TSC1: variants seen among roughly 807,000 people sequenced by gnomAD.
The protein encoded by TSC1 is TSC complex subunit 1, also known as hamartin.
In TSC1, 20 loss-of-function variants were observed where a neutral mutation model predicts 124.3. That is an observed-to-expected ratio of 0.16 (90% CI 0.11 to 0.23). TSC1 has a LOEUF of 0.23. Among genes scored for constraint, TSC1 ranks in the 10% least tolerant of loss-of-function variants. TSC1 has a pLI of 1.00. For missense variants in TSC1, 1,124 were observed against 1,448.5 expected (o/e 0.78, Z 3.64); for synonymous variants, 493 against 539.1 (o/e 0.91, Z 1.19).
chr9:132,935,575 G>A (rs2132398686), intron 1 of TSC1, among the ~76,000 whole-genome samples: 1 of 152,322 alleles, frequency 6.6e-6, no homozygotes, highest in South Asian at 2.1e-4. Context: ...GCACAGCACG[G>A]GGCACACCGA....
At chr9:132,907,797 T>C (rs1230242352) in intron 12 of TSC1, among the ~76,000 whole-genome samples, 1 of 151,706 alleles carries the variant, frequency 6.6e-6, no homozygotes, top group East Asian at 2.0e-4. Context: ...TCTTAAAAAA[T>C]GGCTGCAGAC....
chr9:132,939,831 C>G (rs1014549654), intron 1 of TSC1, among the ~76,000 whole-genome samples: 3 of 152,086 alleles, frequency 2.0e-5, no homozygotes, highest in African/African-American at 7.2e-5. Context: ...CCTGGCACCA[C>G]GAGCAGGAGC....
intron 19 of TSC1, 33 bp from the exon 20 acceptor site, chr9:132,900,870 C>T (rs756970929): frequency 1.1e-5 from 17 of 1,613,262 alleles, no homozygotes; most frequent in Admixed American, 1.7e-5. Context: ...GTGAAAAATC[C>T]GACGACATAA....
chr9:132,927,323 A>T lies in TSC1; in HGVS notation c.107-19T>A, dbSNP rs1284557941. 6.2e-7 allele frequency: 1 copy of T among 1,607,638 alleles called. No individual in the cohort carries two copies. The highest frequency in any genetic ancestry group is 1.3e-5 in the African/African-American group (1 of 74,824). On this transcript the variant is annotated intron_variant, in intron 3 of 22. Coordinates refer to ENST00000298552, the MANE Select transcript of TSC1 (RefSeq NM_000368.5). ...CCACGGTCTAAATCAAGAAAAGGGC[A>T]ATGGATGATACTTATTCCCCTTAAC...
intron 1 of TSC1, chr9:132,940,997 A>T (rs1847709564): frequency 6.6e-6 from 1 of 152,190 alleles, no homozygotes; most frequent in Non-Finnish European, 1.5e-5. Context: ...CTTCCATCAC[A>T]TCACCCACAG....
At chr9:132,907,423 C>T in intron 12 of TSC1, 53 bp from the exon 13 acceptor site, 1 of 1,418,148 alleles carries the variant, frequency 7.1e-7, no homozygotes, top group Non-Finnish European at 1.0e-6. Flanking sequence ...TGCACATGTT[C>T]TCGAGCATAT....
In TSC1 at chr9:132,913,709, C is replaced by T. The variant is rs1846091543; in HGVS notation, c.738-1252G>A. Among the ~76,000 whole-genome samples the T allele has an allele frequency of 2.0e-5, 3 of 150,988 alleles. No individual in the cohort carries two copies. The highest frequency in any genetic ancestry group is 4.2e-4 in the South Asian group (2 of 4,772). Reference sequence around the variant, plus strand: ...GGCGCGGTGGCGGGCGCCTGTAGTCCCAGCTACTCAGGAGGCTGAGGCAGG... The same window carrying T: ...GGCGCGGTGGCGGGCGCCTGTAGTCTCAGCTACTCAGGAGGCTGAGGCAGG... On this transcript the variant is annotated intron_variant, in intron 8 of 22. Transcript: ENST00000298552.
At chr9:132,940,066 G>A (rs1432079292) in intron 1 of TSC1, among the ~76,000 whole-genome samples, 3 of 152,058 alleles carry the variant, frequency 2.0e-5, no homozygotes, top group Admixed American at 6.6e-5. Flanking sequence ...TGGGGAAAAG[G>A]CCCAGTGGAA....
At chr9:132,913,891 G>GTTT (rs775823272) in intron 8 of TSC1, among the ~76,000 whole-genome samples, 3 of 58,372 alleles carry the variant, frequency 5.1e-5, no homozygotes, top group African/African-American at 6.7e-5. Context: ...GTTTTGTTTT[G>GTTT]TTTTTTTTTT....
chr9:132,911,540 C>T lies in TSC1; in HGVS notation c.942G>A (p.Thr314=), dbSNP rs144208203. The T allele has an allele frequency of 1.0e-5, 16 of 1,596,320 alleles. No individual in the cohort carries two copies. The highest frequency in any genetic ancestry group is 2.8e-5 in the African/African-American group (2 of 70,992). The change falls in exon 10 of 23, where the codon ACG becomes ACA. Residue 314 remains threonine, a synonymous_variant. Coordinates refer to ENST00000298552, the MANE Select transcript of TSC1 (RefSeq NM_000368.5). ...YGCATSTPYS[T]SRLMLLNMPG... ...GCATATTTAACAACATCAGCCGAGA[C>T]GTGGAGTAAGGGGTAGAAGTAGCAC...
At chr9:132,944,449 C>T (rs1847958908) in intron 1 of TSC1, 94 bp downstream of exon 1, 1 of 397,314 alleles carries the variant, frequency 2.5e-6, no homozygotes, top group African/African-American at 2.1e-5. Flanking sequence ...GTCTCTTGCT[C>T]CAGCCCCTCC....
chr9:132,938,692 A>G (rs946271881), intron 1 of TSC1, among the ~76,000 whole-genome samples: 5 of 152,300 alleles, frequency 3.3e-5, no homozygotes, highest in African/African-American at 4.8e-5. Context: ...TTTTTTTCAC[A>G]TATCTCTGCC....
At chr9:132,915,797 C>A (rs1198744682) in intron 8 of TSC1, among the ~76,000 whole-genome samples, 1 of 152,174 alleles carries the variant, frequency 6.6e-6, no homozygotes, top group Middle Eastern at 3.2e-3. Flanking sequence ...AAGAAAGTGT[C>A]CAGGGCATGG....
chr9:132,900,380 G>C (rs963815182), intron 20 of TSC1: 1 of 381,042 alleles, frequency 2.6e-6, no homozygotes, highest in Admixed American at 3.7e-5. Flanking sequence ...GTCCTGAGAG[G>C]TATGTTAAAC....
intron 10 of TSC1, 48 bp from the exon 11 acceptor site, chr9:132,911,161 C>G (rs1449875954): frequency 6.8e-7 from 1 of 1,467,214 alleles, no homozygotes; most frequent in Admixed American, 1.7e-5. Flanking sequence ...AATGCTAAGT[C>G]ATCCACGAGG....
intron 19 of TSC1, among the ~76,000 whole-genome samples, chr9:132,901,356 A>G (rs1043795524): frequency 6.6e-6 from 1 of 152,194 alleles, no homozygotes; most frequent in Non-Finnish European, 1.5e-5. Flanking sequence ...GCATTGTAGG[A>G]TATTTGGCAG....
intron 8 of TSC1, among the ~76,000 whole-genome samples, chr9:132,918,184 G>C (rs575349533): frequency 6.6e-6 from 1 of 152,358 alleles, no homozygotes; most frequent in South Asian, 2.1e-4. Context: ...GAACAGGAGA[G>C]AGGGAATAGA....
intron 1 of TSC1, chr9:132,942,486 C>T (rs184892941): frequency 3.9e-5 from 6 of 152,312 alleles, no homozygotes; most frequent in African/African-American, 1.4e-4. Flanking sequence ...TGTTAAGTTT[C>T]ATCTCACGAA....
intron 15 of TSC1, 103 bp from the exon 16 acceptor site, chr9:132,904,557 A>C (rs889374085): frequency 2.6e-6 from 3 of 1,132,518 alleles, no homozygotes; most frequent in African/African-American, 1.5e-5. Context: ...CTTGTGGTCA[A>C]AATCTGCAAT....
Sources: allele counts gnomAD v4.1 joint callset (sites outside exome capture counted in the v4.1 genomes callset), GRCh38; gene constraint gnomAD v4.1.1; transcripts MANE v1.5; gene names NCBI Gene and HGNC (gene_info 2026-07-23, HGNC 2026-07-21).